ZNF407: variants seen among roughly 807,000 people sequenced by gnomAD.
ZNF407 encodes the protein zinc finger protein 407.
A neutral mutation model predicts 131.2 loss-of-function variants in ZNF407; 17 were observed. The ratio of observed to expected loss-of-function variants is 0.13; its 90% CI spans 0.09 to 0.19. ZNF407 has a LOEUF of 0.19. Among genes scored for constraint, ZNF407 ranks in the 10% least tolerant of loss-of-function variants. ZNF407 has a pLI of 1.00. For synonymous variants in ZNF407, 1,156 were observed against 1,062.0 expected, an observed-to-expected ratio of 1.09 and a Z score of -1.72; for missense variants, 2,681 against 2,830.6, an observed-to-expected ratio of 0.95 and a Z score of 1.20.
At chr18:74,853,588 A>G (rs951735086) in intron 4 of ZNF407, among the ~76,000 whole-genome samples, 1 of 152,196 alleles carries the variant, frequency 6.6e-6, no homozygotes, top group African/African-American at 2.4e-5. Context: ...TGATCTTAAC[A>G]TTCACCTTTA....
chr18:74,834,393 G>A (rs905840977), intron 4 of ZNF407, among the ~76,000 whole-genome samples: 10 of 152,234 alleles, frequency 6.6e-5, no homozygotes, highest in South Asian at 2.1e-4. Context: ...TCTCTAATTC[G>A]TCTTTTATTT....
intron 8 of ZNF407, among the ~76,000 whole-genome samples, chr18:75,009,850 C>T (rs1972953946): frequency 6.6e-6 from 1 of 152,198 alleles, no homozygotes; most frequent in South Asian, 2.1e-4. Context: ...AAAATAGACA[C>T]ACCCTATTTC....
At chr18:74,997,877 A>G (rs1262933726) in intron 8 of ZNF407, among the ~76,000 whole-genome samples, 4 of 152,134 alleles carry the variant, frequency 2.6e-5, no homozygotes, top group Non-Finnish European at 4.4e-5. Context: ...TCTTGAAGAC[A>G]TTTTTTCTAC....
At chr18:74,918,075 G>A (rs2145237499) in intron 7 of ZNF407, among the ~76,000 whole-genome samples, 1 of 152,260 alleles carries the variant, frequency 6.6e-6, no homozygotes, top group South Asian at 2.1e-4. Flanking sequence ...CCTTTTAACT[G>A]TCATAAAAGT....
rs1431066700 is a variant in ZNF407, at chr18:74,631,417, C to T, written c.398C>T (p.Pro133Leu). Residue 133 changes from proline to leucine, a missense_variant, in exon 2 of 9, where the codon CCT (proline) becomes CTT (leucine). By Grantham distance (98) the Pro-to-Leu change is moderately conservative (BLOSUM62 -3). Coordinates refer to ENST00000299687, the MANE Select transcript of ZNF407 (RefSeq NM_017757.3). ...GGTCLPNALS[P>L]SCNFSTIDVV... The stretch of plus-strand genomic sequence containing the variant: ...ACATGTCTCCCAAATGCCCTCTCCC[C>T]TTCTTGCAATTTTAGCACTATTGAT... 1 of 1,613,986 alleles carries T rather than the reference C, an allele frequency of 6.2e-7. No homozygotes were observed. The highest frequency in any genetic ancestry group is 1.1e-5 in the South Asian group (1 of 91,078).
At chr18:74,722,231 C>T (rs985537546) in intron 3 of ZNF407, among the ~76,000 whole-genome samples, 5 of 151,882 alleles carry the variant, frequency 3.3e-5, no homozygotes, top group African/African-American at 1.2e-4. Flanking sequence ...CTCGTAGGAT[C>T]CTTACTGTAC....
intron 4 of ZNF407, among the ~76,000 whole-genome samples, chr18:74,796,168 T>C (rs1969916391): frequency 6.6e-6 from 1 of 152,254 alleles, no homozygotes. Flanking sequence ...AGTTATTTTA[T>C]TCGTTCTAGA....
chr18:74,625,233 T>G (rs1275229457), intron 1 of ZNF407, among the ~76,000 whole-genome samples: 1 of 152,244 alleles, frequency 6.6e-6, no homozygotes, highest in Non-Finnish European at 1.5e-5. Flanking sequence ...AGCCATTATT[T>G]AGAAGATTAA....
chr18:75,028,778 G>A (rs531443052), intron 8 of ZNF407, among the ~76,000 whole-genome samples: 5 of 152,274 alleles, frequency 3.3e-5, no homozygotes, highest in Non-Finnish European at 7.4e-5. Flanking sequence ...GTATGCTCCC[G>A]TGTCATATAG....
chr18:74,979,236 A>G (rs756415515), intron 8 of ZNF407, among the ~76,000 whole-genome samples: 2 of 152,160 alleles, frequency 1.3e-5, no homozygotes, highest in Admixed American at 6.5e-5. Context: ...TGAGCTTGGC[A>G]GAGTACAGGC....
chr18:75,032,118 C>T (rs1288838030), intron 8 of ZNF407, among the ~76,000 whole-genome samples: 7 of 152,126 alleles, frequency 4.6e-5, no homozygotes, highest in African/African-American at 1.7e-4. Flanking sequence ...CCGAGAGCTC[C>T]CCCCACACTG....
intron 2 of ZNF407, among the ~76,000 whole-genome samples, chr18:74,639,025 A>G (rs1368420238): frequency 6.6e-6 from 1 of 152,208 alleles, no homozygotes; most frequent in Non-Finnish European, 1.5e-5. Flanking sequence ...TGTGAAGAAT[A>G]GTCAAGGCCT....
At chr18:74,691,568 A>T (rs1057358367) in intron 3 of ZNF407, among the ~76,000 whole-genome samples, 2 of 151,060 alleles carry the variant, frequency 1.3e-5, no homozygotes, top group African/African-American at 4.9e-5. Flanking sequence ...ACTCTTTATT[A>T]TTCCTTTCCT....
At chr18:74,611,175 A>G (rs1476001820) in intron 1 of ZNF407, among the ~76,000 whole-genome samples, 1 of 152,222 alleles carries the variant, frequency 6.6e-6, no homozygotes, top group Non-Finnish European at 1.5e-5. Context: ...CAAAACTATG[A>G]AACTTTCAGA....
At chr18:74,712,948 G>A (rs1967801114) in intron 3 of ZNF407, among the ~76,000 whole-genome samples, 1 of 152,160 alleles carries the variant, frequency 6.6e-6, no homozygotes, top group Admixed American at 6.5e-5. Context: ...TGGGACTTGG[G>A]CAGATTTTTT....
intron 7 of ZNF407, among the ~76,000 whole-genome samples, chr18:74,909,574 C>T (rs1269849061): frequency 6.6e-6 from 1 of 151,966 alleles, no homozygotes; most frequent in Non-Finnish European, 1.5e-5. Context: ...TTTTCATTTT[C>T]TGCTTAAGTA....
At chr18:74,839,653 G>A (rs942262619) in intron 4 of ZNF407, among the ~76,000 whole-genome samples, 1 of 152,194 alleles carries the variant, frequency 6.6e-6, no homozygotes, top group Non-Finnish European at 1.5e-5. Context: ...GTTACTAAAT[G>A]TAACTGACAA....
chr18:74,795,943 TGTGCACACGCGCA>T (rs1969911010), intron 4 of ZNF407, among the ~76,000 whole-genome samples: 1 of 152,254 alleles, frequency 6.6e-6, no homozygotes, highest in Admixed American at 6.5e-5. Context: ...AGCCTCCCGC[TGTGCACACGCGCA>T]CACACGCACA....
intron 8 of ZNF407, among the ~76,000 whole-genome samples, chr18:75,038,559 TTAAG>T (rs1304257863): frequency 6.6e-6 from 1 of 152,138 alleles, no homozygotes; most frequent in Non-Finnish European, 1.5e-5. Context: ...CTAGCAATTA[TTAAG>T]TGTTAGGGAC....
Sources: gnomAD v4.1 joint callset for allele counts (sites outside exome capture counted in the v4.1 genomes callset) on GRCh38, gnomAD v4.1.1 for gene constraint, MANE v1.5 for transcripts, NCBI Gene and HGNC (gene_info 2026-07-23, HGNC 2026-07-21) for gene names.